The following KDM4C variants were observed in gnomAD, a reference collection of about 807,000 sequenced individuals.
KDM4C encodes lysine-specific demethylase 4C.
In KDM4C, 81 loss-of-function variants were observed where a neutral mutation model predicts 129.3. That is an observed-to-expected ratio of 0.63 (90% CI 0.52 to 0.75). The LOEUF (loss-of-function observed/expected upper bound fraction) is 0.75, where lower values mean the gene tolerates loss of function less well. Among genes scored for constraint, KDM4C ranks in the 30% least tolerant of loss-of-function variants. The pLI, the probability that KDM4C is intolerant of heterozygous loss-of-function variation, is 0.00. For missense variants in KDM4C, 1,457 were observed against 1,304.0 expected (o/e 1.12, Z -1.81); for synonymous variants, 573 against 456.1 (o/e 1.26, Z -3.26).
intron 18 of KDM4C, among the ~76,000 whole-genome samples, chr9:7,112,596 G>C (rs767695237): frequency 5.3e-5 from 8 of 152,208 alleles, no homozygotes; most frequent in African/African-American, 1.2e-4. Context: ...TTTGCCTACT[G>C]TCACTTTCAG....
At chr9:6,787,713 C>G (rs1243356239) in intron 1 of KDM4C, among the ~76,000 whole-genome samples, 2 of 152,208 alleles carry the variant, frequency 1.3e-5, no homozygotes, top group Non-Finnish European at 2.9e-5. Flanking sequence ...CCTTGTCGAC[C>G]TCCCTGCTTC....
chr9:7,019,141 G>C (rs1346375823), intron 15 of KDM4C, among the ~76,000 whole-genome samples: 5 of 152,136 alleles, frequency 3.3e-5, no homozygotes, highest in Non-Finnish European at 7.4e-5. Context: ...TGACAGTATT[G>C]ATATTCTGAC....
rs187250745 is a variant in KDM4C, at chr9:6,956,574, G to A, written c.922-24351G>A. Among the ~76,000 whole-genome samples the A allele has an allele frequency of 4.6e-5, 7 of 152,212 alleles. No individual in the cohort carries two copies. In the East Asian group the frequency reaches 1.4e-3, roughly 29 times the overall value. ...GTATTTGTAAATAACATTATTTTGG[G>A]ACACAGCCATGCTCATTTGTTTATG... On this transcript the variant is annotated intron_variant, in intron 8 of 21. Transcript: ENST00000381309.
intron 1 of KDM4C, among the ~76,000 whole-genome samples, chr9:6,749,355 G>T (rs1407545716): frequency 6.6e-6 from 1 of 152,096 alleles, no homozygotes; most frequent in African/African-American, 2.4e-5. Context: ...ATCAATAGAA[G>T]TTTCATGAGC....
intron 19 of KDM4C, among the ~76,000 whole-genome samples, chr9:7,141,898 C>G (rs1216562311): frequency 1.3e-5 from 2 of 151,796 alleles, no homozygotes; most frequent in African/African-American, 4.8e-5. Flanking sequence ...TTAGAAGTGA[C>G]GTGACCAGGC....
chr9:6,792,287 G>A (rs1280978654), intron 1 of KDM4C, among the ~76,000 whole-genome samples: 1 of 152,112 alleles, frequency 6.6e-6, no homozygotes, highest in Non-Finnish European at 1.5e-5. Context: ...AGGTTGCAGT[G>A]AGCCGAGATT....
intron 8 of KDM4C, among the ~76,000 whole-genome samples, chr9:6,971,537 C>T (rs1334432756): frequency 2.6e-5 from 4 of 152,074 alleles, no homozygotes; most frequent in Non-Finnish European, 5.9e-5. Flanking sequence ...ATTCTTTTGT[C>T]CAGAGCTTGT....
intron 8 of KDM4C, among the ~76,000 whole-genome samples, chr9:6,954,822 A>T (rs1828784266): frequency 6.6e-6 from 1 of 152,228 alleles, no homozygotes. Context: ...CATGGGTTTT[A>T]GTATTTGGCA....
chr9:6,763,729 C>T (rs1349192017), intron 1 of KDM4C, among the ~76,000 whole-genome samples: 1 of 152,136 alleles, frequency 6.6e-6, no homozygotes, highest in East Asian at 1.9e-4. Flanking sequence ...GAAAAATAAT[C>T]AGTTATTGCC....
At chr9:7,154,849 G>A (rs528695003) in intron 19 of KDM4C, among the ~76,000 whole-genome samples, 34 of 152,252 alleles carry the variant, frequency 2.2e-4, no homozygotes, top group African/African-American at 8.2e-4. Context: ...GTAGATTTCA[G>A]GCGAGTTTAC....
chr9:7,062,504 C>T (rs2132703926), intron 17 of KDM4C, among the ~76,000 whole-genome samples: 1 of 152,236 alleles, frequency 6.6e-6, no homozygotes, highest in South Asian at 2.1e-4. Flanking sequence ...CTTCCCACTT[C>T]AGCCTTCTGA....
chr9:7,115,424 G>A (rs1838789419), intron 18 of KDM4C, among the ~76,000 whole-genome samples: 2 of 152,258 alleles, frequency 1.3e-5, no homozygotes, highest in East Asian at 1.9e-4. Context: ...TGGTATTAGA[G>A]TCAAGCATCA....
At chr9:6,736,837 G>T (rs1477921363) in intron 1 of KDM4C, among the ~76,000 whole-genome samples, 1 of 152,028 alleles carries the variant, frequency 6.6e-6, no homozygotes, top group African/African-American at 2.4e-5. Flanking sequence ...GATCACTTGA[G>T]ACCAGGAGTT....
rs1563813227 is a variant in KDM4C, at chr9:6,919,569, ATC to A, written c.921+26339_921+26340del. Reference sequence around the variant, plus strand: ...TGTCTATCTATCTATCTATCTATCTATCTATCTATCTATCTATCTATCTAGGA... The same window carrying A: ...TGTCTATCTATCTATCTATCTATCTATATCTATCTATCTATCTATCTAGGA... On this transcript the variant is annotated intron_variant, in intron 8 of 21. Coordinates refer to ENST00000381309, the MANE Select transcript of KDM4C (RefSeq NM_015061.6). 2.0e-5 allele frequency among the ~76,000 whole-genome samples: 3 copies of A among 150,212 alleles called. No homozygotes were observed. The Admixed American group carries it at 2.0e-4, about 10-fold the overall frequency.
chr9:6,764,187 A>G (rs774645710), intron 1 of KDM4C, among the ~76,000 whole-genome samples: 3 of 152,236 alleles, frequency 2.0e-5, no homozygotes, highest in Non-Finnish European at 2.9e-5. Context: ...AGAGAATGGT[A>G]GGAGTACTTA....
chr9:6,763,324 C>G (rs181238498), intron 1 of KDM4C, among the ~76,000 whole-genome samples: 1 of 152,286 alleles, frequency 6.6e-6, no homozygotes, highest in Admixed American at 6.5e-5. Context: ...GACTGCTACC[C>G]CAGTTGCACT....
intron 5 of KDM4C, among the ~76,000 whole-genome samples, chr9:6,867,011 ATATATATTT>A (rs1160355339): frequency 9.8e-6 from 1 of 102,242 alleles, no homozygotes. Context: ...ATATATATAT[ATATATATTT>A]TTTTTTTTTT....
intron 12 of KDM4C, among the ~76,000 whole-genome samples, chr9:7,003,931 A>G (rs1305804385): frequency 6.6e-6 from 1 of 152,154 alleles, no homozygotes; most frequent in Non-Finnish European, 1.5e-5. Flanking sequence ...CATTCCCTGC[A>G]GGATGTTTGA....
chr9:6,836,304 G>A (rs961667716), intron 4 of KDM4C, among the ~76,000 whole-genome samples: 1 of 152,112 alleles, frequency 6.6e-6, no homozygotes, highest in African/African-American at 2.4e-5. Context: ...AATGGGAGGC[G>A]GAGGTTGCGG....
Sources: allele counts gnomAD v4.1 joint callset (sites outside exome capture counted in the v4.1 genomes callset), GRCh38; gene constraint gnomAD v4.1.1; transcripts MANE v1.5; gene names NCBI Gene and HGNC (gene_info 2026-07-23, HGNC 2026-07-21).